PLCB1: variants seen among roughly 807,000 people sequenced by gnomAD.
The protein encoded by PLCB1 is 1-phosphatidylinositol 4,5-bisphosphate phosphodiesterase beta-1.
Under a neutral mutation model 161.8 loss-of-function variants are expected in PLCB1, and 46 were observed. The ratio of observed to expected loss-of-function variants is 0.28; its 90% CI spans 0.22 to 0.36. The LOEUF (loss-of-function observed/expected upper bound fraction) is 0.36, where lower values mean the gene tolerates loss of function less well. Among genes scored for constraint, PLCB1 ranks in the 10% least tolerant of loss-of-function variants. The probability of loss-of-function intolerance (pLI) is 1.00; values close to 1 mark genes in which losing one functional copy is unlikely to be tolerated. For missense variants in PLCB1, 1,016 were observed against 1,472.5 expected (o/e 0.69, Z 5.07); for synonymous variants, 517 against 503.7 (o/e 1.03, Z -0.35).
At chr20:8,487,643 G>A (rs1346817753) in intron 3 of PLCB1, among the ~76,000 whole-genome samples, 1 of 152,164 alleles carries the variant, frequency 6.6e-6, no homozygotes. Context: ...CAGTCAGAGA[G>A]GGTGGGGATA....
chr20:8,136,470 C>CA (rs1254081690), intron 1 of PLCB1, among the ~76,000 whole-genome samples: 11 of 151,734 alleles, frequency 7.2e-5, no homozygotes, highest in South Asian at 6.2e-4. Flanking sequence ...ACTAAAAATA[C>CA]AAAAAATTAG....
intron 3 of PLCB1, among the ~76,000 whole-genome samples, chr20:8,593,674 G>A (rs997552881): frequency 1.5e-4 from 22 of 151,634 alleles, no homozygotes; most frequent in African/African-American, 5.1e-4. Flanking sequence ...TTTTAATGGG[G>A]TGAGGGAGGT....
intron 2 of PLCB1, among the ~76,000 whole-genome samples, chr20:8,359,086 A>T (rs1464281331): frequency 1.3e-5 from 2 of 152,136 alleles, no homozygotes; most frequent in Non-Finnish European, 2.9e-5. Flanking sequence ...CTTGTAAAAG[A>T]GTTTTTACAC....
At chr20:8,312,781 A>C (rs1984464305) in intron 2 of PLCB1, among the ~76,000 whole-genome samples, 1 of 152,156 alleles carries the variant, frequency 6.6e-6, no homozygotes, top group Admixed American at 6.5e-5. Context: ...AGTTATTAGA[A>C]TATGCCAGAG....
chr20:8,181,884 A>C (rs2051847568), intron 2 of PLCB1, among the ~76,000 whole-genome samples: 1 of 152,100 alleles, frequency 6.6e-6, no homozygotes, highest in Non-Finnish European at 1.5e-5. Context: ...GCAGAGGATC[A>C]CTTGAGCCCA....
intron 2 of PLCB1, among the ~76,000 whole-genome samples, chr20:8,160,490 G>A (rs6055584): frequency 0.4 from 61,322 of 152,014 alleles, 12,448 homozygotes; most frequent in Middle Eastern, 0.48. Flanking sequence ...TGGCTGGGGA[G>A]GCCTCACAAT....
intron 3 of PLCB1, among the ~76,000 whole-genome samples, chr20:8,616,912 G>T (rs1178754759): frequency 2.0e-5 from 3 of 152,196 alleles, no homozygotes; most frequent in African/African-American, 4.8e-5. Context: ...GAGCCCAGGA[G>T]GCTAGGCCCA....
chr20:8,151,768 G>A (rs777953080), intron 2 of PLCB1, among the ~76,000 whole-genome samples: 18 of 151,980 alleles, frequency 1.2e-4, no homozygotes, highest in East Asian at 3.9e-4. Flanking sequence ...ATTTCTAAAC[G>A]TTGGGTATTT....
At chr20:8,389,015 C>G (rs1987514125) in intron 3 of PLCB1, among the ~76,000 whole-genome samples, 1 of 152,152 alleles carries the variant, frequency 6.6e-6, no homozygotes, top group South Asian at 2.1e-4. Context: ...ACTTTTCTCC[C>G]TGCCCCTTAC....
chr20:8,332,341 T>G (rs1470587370), intron 2 of PLCB1, among the ~76,000 whole-genome samples: 1 of 152,196 alleles, frequency 6.6e-6, no homozygotes, highest in Non-Finnish European at 1.5e-5. Context: ...ATTTTATTTG[T>G]TCCTTGCAAA....
At position 8,649,028 on chromosome 20, in the gene PLCB1, A is replaced by G. The variant is rs867225812; in HGVS notation, c.519-346A>G. Among the ~76,000 whole-genome samples the G allele has an allele frequency of 5.9e-5, 9 of 151,892 alleles. 1 individual carries two copies. In the South Asian group the frequency reaches 8.3e-4, roughly 14 times the overall value. On this transcript the variant is annotated intron_variant, in intron 6 of 31. Coordinates refer to ENST00000338037, the MANE Select transcript of PLCB1 (RefSeq NM_015192.4). The stretch of plus-strand genomic sequence containing the variant: ...AAAAATTAAATTTATTAATAATGCA[A>G]TGTACACCTTGGGGCAATGGGTAGT...
chr20:8,251,218 G>C (rs551025622), intron 2 of PLCB1, among the ~76,000 whole-genome samples: 1 of 151,884 alleles, frequency 6.6e-6, no homozygotes, highest in African/African-American at 2.4e-5. Context: ...TGACTTAATC[G>C]CCTCCCAAAG....
At chr20:8,678,813 T>C (rs1448310360) in intron 9 of PLCB1, among the ~76,000 whole-genome samples, 1 of 152,174 alleles carries the variant, frequency 6.6e-6, no homozygotes, top group Non-Finnish European at 1.5e-5. Flanking sequence ...CAGAGCTGGA[T>C]CAAAATGAAT....
chr20:8,377,359 T>C (rs1987121480), intron 3 of PLCB1, among the ~76,000 whole-genome samples: 2 of 152,156 alleles, frequency 1.3e-5, no homozygotes, highest in African/African-American at 4.8e-5. Flanking sequence ...GTGGCTACTG[T>C]AGAGTTCAGA....
Position 8,647,712 on chromosome 20 carries a change from T to C in PLCB1, c.465-188T>C, listed in dbSNP as rs1048638201. ...CTTTGGCAGGGCGTTTGGGAAGGGCTTCTGGAATGCTGCTAAAGTGACAAT... is the reference window on the plus strand; with the variant it reads ...CTTTGGCAGGGCGTTTGGGAAGGGCCTCTGGAATGCTGCTAAAGTGACAAT... On this transcript the variant is annotated intron_variant, in intron 5 of 31. Transcript: ENST00000338037. Among the ~76,000 whole-genome samples, 5 of 152,298 alleles carry C rather than the reference T, an allele frequency of 3.3e-5. No homozygotes were observed. In the East Asian group the frequency reaches 5.8e-4, roughly 18 times the overall value.
chr20:8,498,845 C>T (rs1054040142), intron 3 of PLCB1, among the ~76,000 whole-genome samples: 2 of 152,094 alleles, frequency 1.3e-5, no homozygotes, highest in Non-Finnish European at 2.9e-5. Context: ...CCAGATGAGT[C>T]GAAGACAGGC....
At chr20:8,803,815 C>T (rs898712782) in intron 31 of PLCB1, among the ~76,000 whole-genome samples, 1 of 150,320 alleles carries the variant, frequency 6.7e-6, no homozygotes, top group Non-Finnish European at 1.5e-5. Flanking sequence ...GTTTTTGAGA[C>T]ATTGTTTCGC....
chr20:8,472,255 G>A lies in PLCB1; in HGVS notation c.246+100805G>A, dbSNP rs116725361. 9.6e-3 allele frequency among the ~76,000 whole-genome samples: 1,461 copies of A among 152,208 alleles called. 25 individuals are homozygous for A. Among genetic ancestry groups the A allele is most frequent in the African/African-American group, 0.033 (1,357 of 41,526 alleles). ...TGTGGAGTTTTTTGGGGGCCAAATT[G>A]AAGCATTAACTCAAAAGAATGGCCC... is the stretch of plus-strand genomic sequence containing the variant. On this transcript the variant is annotated intron_variant, in intron 3 of 31. Transcript: ENST00000338037.
At chr20:8,623,434 C>G (rs755462768) in intron 3 of PLCB1, among the ~76,000 whole-genome samples, 2 of 152,126 alleles carry the variant, frequency 1.3e-5, no homozygotes, top group Non-Finnish European at 2.9e-5. Context: ...TATATTTTCT[C>G]TTCTTCATCA....
Sources: gnomAD v4.1 joint callset for allele counts (sites outside exome capture counted in the v4.1 genomes callset) on GRCh38, gnomAD v4.1.1 for gene constraint, MANE v1.5 for transcripts, NCBI Gene and HGNC (gene_info 2026-07-23, HGNC 2026-07-21) for gene names.